The following EPB41L2 variants were observed in gnomAD, a reference collection of about 807,000 sequenced individuals.
EPB41L2 encodes the protein erythrocyte membrane protein band 4.1 like 2.
A neutral mutation model predicts 113.0 loss-of-function variants in EPB41L2; 43 were observed. The observed-to-expected ratio is 0.38, with a 90% confidence interval of 0.30 to 0.49. The LOEUF (loss-of-function observed/expected upper bound fraction) is 0.49. EPB41L2 is among the 20% of genes least tolerant of loss of function. The pLI, the probability that EPB41L2 is intolerant of heterozygous loss-of-function variation, is 0.95. For synonymous variants in EPB41L2, 442 were observed against 436.7 expected (o/e 1.01, Z -0.15); for missense variants, 1,147 against 1,223.4 (o/e 0.94, Z 0.93).
intron 1 of EPB41L2, among the ~76,000 whole-genome samples, chr6:131,055,953 C>T (rs1199533071): frequency 6.6e-6 from 1 of 152,050 alleles, no homozygotes; most frequent in Non-Finnish European, 1.5e-5. Context: ...AAAATGCGTG[C>T]GTCAGGGACA....
chr6:130,977,050 C>T (rs1464013914), intron 1 of EPB41L2, among the ~76,000 whole-genome samples: 1 of 152,172 alleles, frequency 6.6e-6, no homozygotes, highest in Non-Finnish European at 1.5e-5. Context: ...CGTTATAAAG[C>T]TTACAATTAT....
chr6:130,874,138 T>C (rs1444904731), intron 14 of EPB41L2, among the ~76,000 whole-genome samples: 1 of 152,182 alleles, frequency 6.6e-6, no homozygotes. Context: ...TCATAATTCA[T>C]ACAACACGTT....
chr6:130,898,800 C>T (rs940122246), intron 8 of EPB41L2, among the ~76,000 whole-genome samples: 11 of 152,084 alleles, frequency 7.2e-5, no homozygotes, highest in South Asian at 2.1e-4. Flanking sequence ...CCCTTAAAAA[C>T]GTAAATAAAT....
chr6:130,973,823 T>G (rs1333194088), intron 1 of EPB41L2, among the ~76,000 whole-genome samples: 4 of 152,180 alleles, frequency 2.6e-5, no homozygotes, highest in African/African-American at 9.7e-5. Flanking sequence ...CTAAAATGTA[T>G]AAAACCAAAC....
At chr6:130,867,756 T>A in intron 15 of EPB41L2, 175 bp from the exon 16 acceptor site, 1 of 723,170 alleles carries the variant, frequency 1.4e-6, no homozygotes, top group Non-Finnish European at 2.3e-6. Flanking sequence ...AAAATTTTCC[T>A]TCAAATATAT....
intron 19 of EPB41L2, among the ~76,000 whole-genome samples, chr6:130,855,553 T>A (rs1779963387): frequency 6.6e-6 from 1 of 152,134 alleles, no homozygotes; most frequent in Admixed American, 6.5e-5. Flanking sequence ...GGTTGCTAGA[T>A]ATAAGATAAA....
At chr6:131,023,118 A>T (rs901609560) in intron 1 of EPB41L2, among the ~76,000 whole-genome samples, 2 of 152,216 alleles carry the variant, frequency 1.3e-5, no homozygotes, top group Admixed American at 6.5e-5. Flanking sequence ...GTTTTACACA[A>T]TTTTACATAA....
chr6:131,007,267 GC>G (rs2128720840), intron 1 of EPB41L2, among the ~76,000 whole-genome samples: 1 of 152,232 alleles, frequency 6.6e-6, no homozygotes, highest in Non-Finnish European at 1.5e-5. Context: ...TTTATAAGGG[GC>G]TTCCCCCTTC....
At chr6:130,896,498 G>T (rs1215075094) in intron 8 of EPB41L2, among the ~76,000 whole-genome samples, 1 of 152,152 alleles carries the variant, frequency 6.6e-6, no homozygotes, top group African/African-American at 2.4e-5. Flanking sequence ...CCACAAGTGG[G>T]GAGGCAACCC....
chr6:130,946,148 T>C (rs1165667957), intron 3 of EPB41L2, among the ~76,000 whole-genome samples: 11 of 152,154 alleles, frequency 7.2e-5, no homozygotes, highest in Admixed American at 7.2e-4. Context: ...AGAATGTAAA[T>C]TGTAATTATC....
chr6:130,893,359 G>A (rs781253729), intron 10 of EPB41L2, among the ~76,000 whole-genome samples: 1 of 152,144 alleles, frequency 6.6e-6, no homozygotes, highest in Non-Finnish European at 1.5e-5. Context: ...GAGGAGAGAG[G>A]AGCGATGCTT....
chr6:130,862,832 T>G (rs930472363), intron 18 of EPB41L2, among the ~76,000 whole-genome samples: 6 of 152,206 alleles, frequency 3.9e-5, no homozygotes, highest in Admixed American at 1.3e-4. Flanking sequence ...AGCTCAGTAT[T>G]GTGTCCAAAG....
intron 1 of EPB41L2, among the ~76,000 whole-genome samples, chr6:131,053,456 A>G (rs952486893): frequency 2.0e-5 from 3 of 149,802 alleles, no homozygotes; most frequent in Non-Finnish European, 4.4e-5. Context: ...AAAAAAAAAA[A>G]AAAGAAACTG....
At position 130,901,177 on chromosome 6, in the gene EPB41L2, G is replaced by A. The variant is rs1164879272; in HGVS notation, c.933C>T (p.Tyr311=). 6.2e-7 allele frequency: 1 copy of A among 1,613,102 alleles called. No individual in the cohort carries two copies. Among genetic ancestry groups the A allele is most frequent in the Admixed American group, 1.7e-5 (1 of 60,012 alleles). The change falls in exon 7 of 20, where the codon TAC becomes TAT. Residue 311 remains tyrosine (Y), a synonymous_variant. Coordinates refer to ENST00000337057, the MANE Select transcript of EPB41L2 (RefSeq NM_001431.4). ...PSQLTEDITR[Y]FLCLQLRQDI... ...CCTGCCGGAGCTGAAGGCACAAGAA[G>A]TATCTGTGAGGAGCAGAGGGAGAAA...
chr6:130,960,511 T>G (rs1055859822), intron 1 of EPB41L2, among the ~76,000 whole-genome samples: 12 of 152,126 alleles, frequency 7.9e-5, no homozygotes, highest in African/African-American at 2.9e-4. Context: ...TCATCCTCAA[T>G]CACCACTGTA....
intron 1 of EPB41L2, among the ~76,000 whole-genome samples, chr6:131,046,283 A>T (rs1390026856): frequency 6.6e-6 from 1 of 152,056 alleles, no homozygotes; most frequent in Non-Finnish European, 1.5e-5. Flanking sequence ...TGAATGAGCA[A>T]CAGACATATA....
intron 3 of EPB41L2, among the ~76,000 whole-genome samples, chr6:130,953,786 G>A (rs1356518347): frequency 6.6e-6 from 1 of 151,968 alleles, no homozygotes; most frequent in Non-Finnish European, 1.5e-5. Flanking sequence ...TCCATCAGGT[G>A]AGGACACAGC....
At chr6:130,898,205 T>C (rs1375138755) in intron 8 of EPB41L2, among the ~76,000 whole-genome samples, 3 of 152,070 alleles carry the variant, frequency 2.0e-5, no homozygotes, top group Non-Finnish European at 4.4e-5. Flanking sequence ...TTTTCTATGA[T>C]GAACATGTAT....
chr6:130,865,700 C>T (rs1783532078), intron 16 of EPB41L2, 66 bp from the exon 17 acceptor site: 1 of 1,500,574 alleles, frequency 6.7e-7, no homozygotes, highest in Admixed American at 1.7e-5. Context: ...AGAGAAGATC[C>T]CCGCCCCATC....
Sources: gnomAD v4.1 joint callset for allele counts (sites outside exome capture counted in the v4.1 genomes callset) on GRCh38, gnomAD v4.1.1 for gene constraint, MANE v1.5 for transcripts, NCBI Gene and HGNC (gene_info 2026-07-23, HGNC 2026-07-21) for gene names.